DDHD1: variants seen among roughly 807,000 people sequenced by gnomAD.
The protein encoded by DDHD1 is DDHD domain containing 1.
DDHD1 carries 49 observed loss-of-function variants against 96.4 expected under a neutral mutation model. The observed-to-expected ratio is 0.51, with a 90% CI of 0.40 to 0.64. The LOEUF (loss-of-function observed/expected upper bound fraction) is 0.64. Ranked by LOEUF, DDHD1 falls within the 30% of genes least tolerant of loss-of-function variation. The pLI, the probability that DDHD1 is intolerant of heterozygous loss-of-function variation, is 0.00. For synonymous variants in DDHD1, 442 were observed against 446.5 expected (o/e 0.99, Z 0.13); for missense variants, 1,106 against 1,161.2 (o/e 0.95, Z 0.69).
rs1177673120 is a variant in DDHD1, at chr14:53,045,178, T to C, written c.*1590A>G. ...AAAAGGTCACATGTGAATCAAGTCA[T>C]TGAACAGCATATAAAAGAATATGGC... is the stretch of plus-strand genomic sequence containing the variant. On this transcript the variant is annotated 3_prime_UTR_variant, in exon 13 of 13. Transcript: ENST00000673822. 6.6e-6 allele frequency: 1 copy of C among 152,228 alleles called. No individual in the cohort carries two copies. The highest frequency in any genetic ancestry group is 1.5e-5 in the Non-Finnish European group (1 of 68,048). 9.4% of individuals were successfully genotyped at this position (152,228 alleles called of 1,614,324 possible).
Position 53,097,062 on chromosome 14 carries a change from T to C in DDHD1, c.1013-3618A>G, listed in dbSNP as rs150379508. ...AGTAAGCAATTATTTAAAAGTTCAC[T>C]TGAACTTGAACCTTACAAATTAGTT... On this transcript the variant is annotated intron_variant, in intron 2 of 12. Transcript: ENST00000673822. 2.8e-3 allele frequency among the ~76,000 whole-genome samples: 428 copies of C among 152,138 alleles called. 1 individual carries two copies. The highest frequency in any genetic ancestry group is 9.9e-3 in the African/African-American group (410 of 41,576).
At chr14:53,110,160 G>A (rs1340913989) in intron 1 of DDHD1, among the ~76,000 whole-genome samples, 1 of 152,214 alleles carries the variant, frequency 6.6e-6, no homozygotes, top group Non-Finnish European at 1.5e-5. Context: ...GACACTAAAT[G>A]CTGTTTATTC....
intron 1 of DDHD1, among the ~76,000 whole-genome samples, chr14:53,128,861 T>C (rs1889655591): frequency 1.3e-5 from 2 of 152,232 alleles, no homozygotes; most frequent in African/African-American, 4.8e-5. Flanking sequence ...CATTGTGATA[T>C]GTTCCTGCCC....
intron 2 of DDHD1, among the ~76,000 whole-genome samples, chr14:53,097,297 T>C (rs1216262061): frequency 6.6e-6 from 1 of 152,044 alleles, no homozygotes; most frequent in Non-Finnish European, 1.5e-5. Context: ...CAAAGATTTG[T>C]GTAATAAAAG....
rs1437541554 is a variant in DDHD1 at position 53,058,559 on chromosome 14, C to G, written c.1910G>C (p.Gly637Ala). 3 of 1,613,684 alleles carry G rather than the reference C, an allele frequency of 1.9e-6. No individual in the cohort carries two copies. In the Admixed American group the frequency reaches 5.0e-5, roughly 27 times the overall value. The stretch of plus-strand genomic sequence containing the variant: ...AATATGGTCTTGACTTCCAGTATTT[C>G]CTGGGCGGATGCCACGCAACGCCAA... ...VFLALRGIRPGNTGSQDHILP... is the reference protein window; with the variant it reads ...VFLALRGIRPANTGSQDHILP... The change falls in exon 9 of 13, where the codon GGA becomes GCA. Residue 637 changes from glycine (G) to alanine (A), a missense_variant. Physicochemically the swap from Gly to Ala is moderately conservative, Grantham distance 60. Coordinates refer to ENST00000673822, the MANE Select transcript of DDHD1 (RefSeq NM_001160148.2).
At chr14:53,142,357 G>A (rs1034488682) in intron 1 of DDHD1, among the ~76,000 whole-genome samples, 2 of 151,786 alleles carry the variant, frequency 1.3e-5, no homozygotes, top group African/African-American at 4.8e-5. Context: ...CCCCACTACT[G>A]CTGGTTTAAC....
At chr14:53,114,832 C>T (rs1271574625) in intron 1 of DDHD1, among the ~76,000 whole-genome samples, 7 of 152,294 alleles carry the variant, frequency 4.6e-5, no homozygotes, top group Admixed American at 3.3e-4. Flanking sequence ...CAAATTATCG[C>T]AACTCCTCTC....
At chr14:53,110,981 C>G (rs1382545202) in intron 1 of DDHD1, among the ~76,000 whole-genome samples, 2 of 151,770 alleles carry the variant, frequency 1.3e-5, no homozygotes, top group African/African-American at 2.4e-5. Flanking sequence ...GAGTCCGTCT[C>G]AAAAAAAGAG....
chr14:53,120,904 A>G (rs185333159), intron 1 of DDHD1, among the ~76,000 whole-genome samples: 206 of 152,290 alleles, frequency 1.4e-3, no homozygotes, highest in African/African-American at 4.8e-3. Flanking sequence ...GACTTCATGA[A>G]TAAAACACCA....
At position 53,039,345 on chromosome 14, in the gene DDHD1, C is replaced by G. The variant is rs577176294; in HGVS notation, c.*7423G>C. On this transcript the variant is annotated 3_prime_UTR_variant, in exon 13 of 13. Coordinates refer to ENST00000673822, the MANE Select transcript of DDHD1 (RefSeq NM_001160148.2). ...GCATTTCAGGGCCAGCAAATAAAAT[C>G]CTATGGAAGGCTTCTGCCCTATCTA... 1 of 152,274 alleles carries G rather than the reference C, an allele frequency of 6.6e-6. No homozygotes were observed. Among genetic ancestry groups the G allele is most frequent in the South Asian group, 2.1e-4 (1 of 4,816 alleles). The allele number at this position is 152,274 out of a possible 1,614,324, so 9.4% of individuals were successfully genotyped here.
chr14:53,068,858 T>A (rs982809036), intron 6 of DDHD1, among the ~76,000 whole-genome samples: 1 of 152,172 alleles, frequency 6.6e-6, no homozygotes, highest in Non-Finnish European at 1.5e-5. Flanking sequence ...CAATTTAGTA[T>A]CCATCGATGA....
At chr14:53,128,308 C>T (rs892816900) in intron 1 of DDHD1, among the ~76,000 whole-genome samples, 7 of 152,086 alleles carry the variant, frequency 4.6e-5, no homozygotes, top group African/African-American at 1.7e-4. Flanking sequence ...TAATAAAATA[C>T]CATAAAGTTG....
intron 4 of DDHD1, among the ~76,000 whole-genome samples, chr14:53,081,810 C>T (rs1055694290): frequency 1.3e-5 from 2 of 151,402 alleles, no homozygotes; most frequent in African/African-American, 2.4e-5. Flanking sequence ...ACTGATCAAA[C>T]AGGTATGTCT....
At chr14:53,085,783 C>G (rs1351610613) in intron 4 of DDHD1, among the ~76,000 whole-genome samples, 1 of 152,198 alleles carries the variant, frequency 6.6e-6, no homozygotes, top group African/African-American at 2.4e-5. Context: ...TGGAACAAAG[C>G]TGGACAGAGA....
At chr14:53,106,924 T>C (rs1046106716) in intron 1 of DDHD1, among the ~76,000 whole-genome samples, 1 of 152,196 alleles carries the variant, frequency 6.6e-6, no homozygotes, top group Non-Finnish European at 1.5e-5. Flanking sequence ...GGACTCCAAT[T>C]TTAAGTATGT....
At chr14:53,079,878 T>G (rs1318169542) in intron 4 of DDHD1, among the ~76,000 whole-genome samples, 9 of 152,164 alleles carry the variant, frequency 5.9e-5, no homozygotes, top group East Asian at 3.8e-4. Flanking sequence ...TGATTTTTTT[T>G]GGGATAGTAC....
At chr14:53,134,671 T>G (rs1047721164) in intron 1 of DDHD1, among the ~76,000 whole-genome samples, 46 of 151,606 alleles carry the variant, frequency 3.0e-4, no homozygotes, top group Middle Eastern at 3.5e-3. Flanking sequence ...CAATCTGGCC[T>G]GGTATATGAC....
rs1225848669 is a variant in DDHD1 at position 53,044,918 on chromosome 14, G to T, written c.*1850C>A. ...CTCCCAGTTTGACAATGATTATTGG[G>T]AAGCTAAGCAATTCCTTGCAAGTTA... On this transcript the variant is annotated 3_prime_UTR_variant, in exon 13 of 13. Coordinates refer to ENST00000673822, the MANE Select transcript of DDHD1 (RefSeq NM_001160148.2). 1 of 152,196 alleles carries T rather than the reference G, an allele frequency of 6.6e-6. No homozygotes were observed. Among genetic ancestry groups the T allele is most frequent in the African/African-American group, 2.4e-5 (1 of 41,446 alleles). The allele number at this position is 152,196 out of a possible 1,614,324, so 9.4% of individuals were successfully genotyped here. A position where few individuals can be genotyped will look rare whatever the true frequency, so the allele number is the denominator to read the frequency against.
chr14:53,121,045 T>A lies in DDHD1; in HGVS notation c.839-17189A>T, dbSNP rs569739574. 8.2e-4 allele frequency among the ~76,000 whole-genome samples: 125 copies of A among 152,152 alleles called. No homozygotes were observed. The South Asian group carries it at 0.013, about 16-fold the overall frequency. ...AGAAAATTTTTGAAATCTACCCACC[T>A]GACAAAGGTCTAATATCCAGAATCT... On this transcript the variant is annotated intron_variant, in intron 1 of 12. Coordinates refer to ENST00000673822, the MANE Select transcript of DDHD1 (RefSeq NM_001160148.2).
Sources: gnomAD v4.1 joint callset for allele counts (sites outside exome capture counted in the v4.1 genomes callset) on GRCh38, gnomAD v4.1.1 for gene constraint, MANE v1.5 for transcripts, NCBI Gene and HGNC (gene_info 2026-07-23, HGNC 2026-07-21) for gene names.